Variants in KCNIP4 observed in about 807,000 individuals in gnomAD.
KCNIP4 encodes the protein potassium voltage-gated channel interacting protein 4, also known as Kv channel-interacting protein 4.
KCNIP4 carries 12 observed loss-of-function variants against 34.0 expected under a neutral mutation model. The ratio of observed to expected loss-of-function variants is 0.35; its 90% CI spans 0.23 to 0.57. The LOEUF (loss-of-function observed/expected upper bound fraction) is 0.57. KCNIP4 is among the 20% of genes least tolerant of loss of function. The probability of loss-of-function intolerance (pLI) is 0.83; values close to 1 mark genes in which losing one functional copy is unlikely to be tolerated. For missense variants in KCNIP4, 238 were observed against 311.7 expected, an observed-to-expected ratio of 0.76 and a Z score of 1.78; for synonymous variants, 124 against 102.2, an observed-to-expected ratio of 1.21 and a Z score of -1.29.
In KCNIP4 at chr4:21,758,556, A is replaced by G. The variant is rs141469872; in HGVS notation, c.61+190015T>C. On this transcript the variant is annotated intron_variant, in intron 1 of 8. Transcript: ENST00000382152. ...TGTAATAAATGGGATTCAGATTTTA[A>G]TAGGCATACTTTGTTCTTTGTAACA... Among the ~76,000 whole-genome samples the G allele has an allele frequency of 2.6e-5, 4 of 152,288 alleles. No individual in the cohort carries two copies. In the East Asian group the frequency reaches 7.7e-4, roughly 29 times the overall value.
chr4:21,072,693 T>C, intron 1 of KCNIP4, among the ~76,000 whole-genome samples: 1 of 152,182 alleles, frequency 6.6e-6, no homozygotes, highest in East Asian at 1.9e-4. Context: ...CCATTGCTTT[T>C]CGTGTTTTAA....
At chr4:21,179,451 T>C (rs73107488) in intron 1 of KCNIP4, among the ~76,000 whole-genome samples, 10,870 of 152,246 alleles carry the variant, frequency 0.071, 523 homozygotes, top group South Asian at 0.15. Flanking sequence ...GTAGGAAGCA[T>C]TGGAAAATGC....
At chr4:21,810,978 GA>G (rs1721615565) in intron 1 of KCNIP4, among the ~76,000 whole-genome samples, 1 of 152,172 alleles carries the variant, frequency 6.6e-6, no homozygotes, top group Non-Finnish European at 1.5e-5. Context: ...AAGTTAACAT[GA>G]AAATTTTTTT....
At chr4:21,421,808 T>C (rs1407479690) in intron 1 of KCNIP4, among the ~76,000 whole-genome samples, 2 of 152,230 alleles carry the variant, frequency 1.3e-5, no homozygotes, top group Non-Finnish European at 2.9e-5. Flanking sequence ...ATTAGCTTGA[T>C]TGTGTTAATT....
At chr4:21,727,964 C>T (rs1409743260) in intron 1 of KCNIP4, among the ~76,000 whole-genome samples, 4 of 152,180 alleles carry the variant, frequency 2.6e-5, no homozygotes, top group Non-Finnish European at 4.4e-5. Context: ...ATTTCTTGCA[C>T]ACTTTTTCAC....
chr4:21,820,251 G>C (rs953539816), intron 1 of KCNIP4, among the ~76,000 whole-genome samples: 2 of 139,018 alleles, frequency 1.4e-5, no homozygotes, highest in Admixed American at 1.5e-4. Flanking sequence ...TAGATTATAA[G>C]ATATGTATGT....
intron 1 of KCNIP4, among the ~76,000 whole-genome samples, chr4:21,133,152 G>T (rs1751215427): frequency 6.6e-6 from 1 of 152,190 alleles, no homozygotes. Flanking sequence ...CTGAAAGTAG[G>T]ACAGAAGGAT....
chr4:21,666,368 C>A (rs965214688), intron 1 of KCNIP4, among the ~76,000 whole-genome samples: 1 of 152,152 alleles, frequency 6.6e-6, no homozygotes, highest in African/African-American at 2.4e-5. Flanking sequence ...GATCATCTCC[C>A]CACATTACTG....
chr4:21,089,471 A>T (rs150748996), intron 1 of KCNIP4, among the ~76,000 whole-genome samples: 1 of 152,230 alleles, frequency 6.6e-6, no homozygotes, highest in Non-Finnish European at 1.5e-5. Context: ...TCTTTACAGC[A>T]ATGTGAGAAT....
At chr4:20,771,189 G>C (rs1258198741) in intron 3 of KCNIP4, among the ~76,000 whole-genome samples, 1 of 151,996 alleles carries the variant, frequency 6.6e-6, no homozygotes, top group Admixed American at 6.6e-5. Flanking sequence ...GGAGATGATG[G>C]TATACACATA....
At chr4:21,831,662 T>TAAA (rs1722997752) in intron 1 of KCNIP4, among the ~76,000 whole-genome samples, 3 of 5,486 alleles carry the variant, frequency 5.5e-4, no homozygotes, top group East Asian at 0.014. Context: ...ACATTTTTCA[T>TAAA]CAAAAAAAAA....
intron 3 of KCNIP4, among the ~76,000 whole-genome samples, chr4:20,759,621 G>C (rs755331163): frequency 6.7e-6 from 1 of 149,852 alleles, no homozygotes; most frequent in Admixed American, 6.7e-5. Flanking sequence ...CCCTCTGAGA[G>C]TGGTTTTGGC....
At chr4:21,856,945 G>T (rs930738780) in intron 1 of KCNIP4, among the ~76,000 whole-genome samples, 4 of 152,128 alleles carry the variant, frequency 2.6e-5, no homozygotes, top group Non-Finnish European at 4.4e-5. Flanking sequence ...GAGGAGCATG[G>T]GATGGAGGCC....
intron 1 of KCNIP4, among the ~76,000 whole-genome samples, chr4:21,020,854 G>A (rs953089747): frequency 6.6e-6 from 1 of 152,154 alleles, no homozygotes; most frequent in South Asian, 2.1e-4. Flanking sequence ...AAGTTGGGAG[G>A]AAGAGTTCCC....
intron 1 of KCNIP4, among the ~76,000 whole-genome samples, chr4:21,462,040 G>A (rs964222562): frequency 1.3e-5 from 2 of 151,908 alleles, no homozygotes; most frequent in African/African-American, 2.4e-5. Flanking sequence ...TCATTTCTTT[G>A]TGGTAAGACC....
At chr4:21,927,415 ATCTACTAACACTC>A (rs1456164209) in intron 1 of KCNIP4, among the ~76,000 whole-genome samples, 2 of 152,102 alleles carry the variant, frequency 1.3e-5, no homozygotes, top group Non-Finnish European at 2.9e-5. Flanking sequence ...ACTCCACCTC[ATCTACTAACACTC>A]TCTGGGAAGA....
chr4:21,300,584 CTT>C (rs1711559009), intron 1 of KCNIP4, among the ~76,000 whole-genome samples: 1 of 151,862 alleles, frequency 6.6e-6, no homozygotes, highest in Non-Finnish European at 1.5e-5. Flanking sequence ...TATTGAAACT[CTT>C]AAGTTTCGAG....
At chr4:21,070,184 T>G (rs1168906271) in intron 1 of KCNIP4, among the ~76,000 whole-genome samples, 1 of 152,198 alleles carries the variant, frequency 6.6e-6, no homozygotes, top group African/African-American at 2.4e-5. Flanking sequence ...TCATTTTTAT[T>G]GTTGAGTAGA....
chr4:21,775,551 A>G (rs1203513090), intron 1 of KCNIP4, among the ~76,000 whole-genome samples: 1 of 152,080 alleles, frequency 6.6e-6, no homozygotes. Context: ...GATTCCTTAG[A>G]ACTACCAGGA....
Sources: gnomAD v4.1 joint callset for allele counts (sites outside exome capture counted in the v4.1 genomes callset) on GRCh38, gnomAD v4.1.1 for gene constraint, MANE v1.5 for transcripts, NCBI Gene and HGNC (gene_info 2026-07-23, HGNC 2026-07-21) for gene names.